Variants in TTC7B observed in about 807,000 individuals in gnomAD.
TTC7B encodes the protein tetratricopeptide repeat protein 7B.
In TTC7B, 28 loss-of-function variants were observed where a neutral mutation model predicts 106.8. The ratio of observed to expected loss-of-function variants is 0.26; its 90% CI spans 0.19 to 0.36. TTC7B has a LOEUF of 0.36. TTC7B is among the 10% of genes least tolerant of loss of function. TTC7B has a pLI of 1.00. For missense variants in TTC7B, 862 were observed against 1,076.4 expected, an observed-to-expected ratio of 0.80 and a Z score of 2.79; for synonymous variants, 405 against 430.6, an observed-to-expected ratio of 0.94 and a Z score of 0.74.
chr14:90,722,924 T>A (rs1001728503), intron 5 of TTC7B, among the ~76,000 whole-genome samples: 1 of 152,178 alleles, frequency 6.6e-6, no homozygotes, highest in African/African-American at 2.4e-5. Flanking sequence ...TCAGGCCAAG[T>A]CCTGGGCTGT....
chr14:90,744,041 G>A (rs1889866275), intron 4 of TTC7B, among the ~76,000 whole-genome samples: 1 of 152,206 alleles, frequency 6.6e-6, no homozygotes, highest in African/African-American at 2.4e-5. Context: ...GGTCTCCGGG[G>A]ATACCCGATG....
At chr14:90,645,860 T>C (rs1245152051) in intron 14 of TTC7B, among the ~76,000 whole-genome samples, 2 of 152,196 alleles carry the variant, frequency 1.3e-5, no homozygotes, top group African/African-American at 4.8e-5. Flanking sequence ...ATGACAATGA[T>C]GGGCATGGGT....
intron 15 of TTC7B, among the ~76,000 whole-genome samples, chr14:90,631,556 A>G (rs1286441): frequency 0.87 from 132,839 of 151,868 alleles, 58,150 homozygotes; most frequent in Admixed American, 0.91. Context: ...CTACAGGCAC[A>G]TGTTACCACA....
intron 5 of TTC7B, among the ~76,000 whole-genome samples, chr14:90,718,563 C>T (rs894770471): frequency 6.6e-6 from 1 of 152,104 alleles, no homozygotes; most frequent in African/African-American, 2.4e-5. Flanking sequence ...GTGTATCTCC[C>T]GCTTTACCAC....
At chr14:90,579,446 C>T (rs113293562) in intron 18 of TTC7B, among the ~76,000 whole-genome samples, 1,550 of 152,310 alleles carry the variant, frequency 0.01, 32 homozygotes, top group African/African-American at 0.035. Flanking sequence ...TAATATCTTA[C>T]ATGTCATATG....
chr14:90,599,636 A>G (rs919823224), intron 17 of TTC7B, among the ~76,000 whole-genome samples: 2 of 152,092 alleles, frequency 1.3e-5, no homozygotes, highest in African/African-American at 4.8e-5. Flanking sequence ...TGGCACCCAC[A>G]TTCTTTCTGC....
At chr14:90,749,848 T>C (rs958084537) in intron 3 of TTC7B, among the ~76,000 whole-genome samples, 4 of 152,232 alleles carry the variant, frequency 2.6e-5, no homozygotes, top group African/African-American at 9.6e-5. Context: ...AGTTTTCATC[T>C]CTAGAAATTT....
At chr14:90,719,939 C>T (rs556524041) in intron 5 of TTC7B, among the ~76,000 whole-genome samples, 66 of 152,182 alleles carry the variant, frequency 4.3e-4, no homozygotes, top group East Asian at 4.1e-3. Context: ...AACCTGTGGC[C>T]CACATGCGAC....
At chr14:90,753,720 C>G (rs1890203723) in intron 3 of TTC7B, among the ~76,000 whole-genome samples, 1 of 152,202 alleles carries the variant, frequency 6.6e-6, no homozygotes, top group African/African-American at 2.4e-5. Context: ...ACAGTTGGTC[C>G]CTTCTGAGTG....
chr14:90,559,607 C>T (rs1323908560), intron 19 of TTC7B, among the ~76,000 whole-genome samples: 5 of 152,342 alleles, frequency 3.3e-5, no homozygotes, highest in Admixed American at 2.0e-4. Flanking sequence ...TACATGGACT[C>T]GTGGTGGGAG....
intron 18 of TTC7B, among the ~76,000 whole-genome samples, chr14:90,592,860 C>G (rs1485400687): frequency 6.6e-6 from 1 of 152,132 alleles, no homozygotes; most frequent in Admixed American, 6.5e-5. Flanking sequence ...CTGTTGCTGT[C>G]TCTCTATGAA....
Position 90,530,522 on chromosome 14 carries a change from G to A in TTC7B, c.*10846C>T, listed in dbSNP as rs1352183430. ...GCCATTTGATGAGGGATCTTCAGATGGGGAGAGTGTCTTGGATTATCCAGG... is the reference window on the plus strand; with the variant it reads ...GCCATTTGATGAGGGATCTTCAGATAGGGAGAGTGTCTTGGATTATCCAGG... On this transcript the variant is annotated 3_prime_UTR_variant, in exon 20 of 20. Transcript: ENST00000328459. The A allele has an allele frequency of 6.6e-6, 1 of 152,200 alleles. No homozygotes were observed. The highest frequency in any genetic ancestry group is 2.1e-4 in the South Asian group (1 of 4,824). 9.4% of individuals were successfully genotyped at this position (152,200 alleles called of 1,614,324 possible). A position where few individuals can be genotyped will look rare whatever the true frequency, so the allele number is the denominator to read the frequency against.
intron 18 of TTC7B, among the ~76,000 whole-genome samples, chr14:90,582,764 C>G (rs1183945315): frequency 6.6e-6 from 1 of 152,214 alleles, no homozygotes; most frequent in Non-Finnish European, 1.5e-5. Flanking sequence ...ACCATGGCCC[C>G]TTAAGACAAT....
intron 7 of TTC7B, among the ~76,000 whole-genome samples, chr14:90,685,130 A>G (rs992681539): frequency 1.3e-5 from 2 of 152,294 alleles, no homozygotes; most frequent in African/African-American, 4.8e-5. Flanking sequence ...ATGTTCCATT[A>G]CAACCAACTC....
rs1812299910 is a variant in TTC7B at position 90,531,031 on chromosome 14, A to T, written c.*10337T>A. 1 of 152,226 alleles carries T rather than the reference A, an allele frequency of 6.6e-6. No individual in the cohort carries two copies. The highest frequency in any genetic ancestry group is 1.5e-5 in the Non-Finnish European group (1 of 68,046). 9.4% of individuals were successfully genotyped at this position (152,226 alleles called of 1,614,324 possible). ...ATAAATCTCTGTTAATAGATACAGG[A>T]TATAAAATGATATAATTTTAATATT... On this transcript the variant is annotated 3_prime_UTR_variant, in exon 20 of 20. Coordinates refer to ENST00000328459, the MANE Select transcript of TTC7B (RefSeq NM_001010854.2).
Position 90,524,589 on chromosome 14 carries a change from G to C in TTC7B, c.*16779C>G, listed in dbSNP as rs1167725620. 1 of 152,134 alleles carries C rather than the reference G, an allele frequency of 6.6e-6. No individual in the cohort carries two copies. Among genetic ancestry groups the C allele is most frequent in the Non-Finnish European group, 1.5e-5 (1 of 68,014 alleles). The allele number at this position is 152,134 out of a possible 1,614,324, so 9.4% of individuals were successfully genotyped here. Reference sequence around the variant, plus strand: ...TAGCATCATGCATTTTTTTATTCAGGAAGAAAAAAGAAAGGGACCTCCCCA... The same window carrying C: ...TAGCATCATGCATTTTTTTATTCAGCAAGAAAAAAGAAAGGGACCTCCCCA... On this transcript the variant is annotated 3_prime_UTR_variant, in exon 20 of 20. Coordinates refer to ENST00000328459, the MANE Select transcript of TTC7B (RefSeq NM_001010854.2).
intron 15 of TTC7B, among the ~76,000 whole-genome samples, chr14:90,638,528 C>A (rs1231499649): frequency 6.6e-6 from 1 of 151,954 alleles, no homozygotes; most frequent in Non-Finnish European, 1.5e-5. Context: ...AGAAATAAGT[C>A]TAGTAAAAAA....
intron 5 of TTC7B, among the ~76,000 whole-genome samples, chr14:90,722,278 T>A (rs368112964): frequency 6.6e-6 from 1 of 152,120 alleles, no homozygotes; most frequent in Non-Finnish European, 1.5e-5. Flanking sequence ...CCCTCCATCA[T>A]CCCCACCTTC....
chr14:90,745,643 T>C (rs1385059294), intron 3 of TTC7B, among the ~76,000 whole-genome samples: 1 of 152,114 alleles, frequency 6.6e-6, no homozygotes, highest in East Asian at 1.9e-4. Flanking sequence ...CTTGGCCAGA[T>C]GAATTATCCT....
Sources: gnomAD v4.1 joint callset for allele counts (sites outside exome capture counted in the v4.1 genomes callset) on GRCh38, gnomAD v4.1.1 for gene constraint, MANE v1.5 for transcripts, NCBI Gene and HGNC (gene_info 2026-07-23, HGNC 2026-07-21) for gene names.